Variants in RSPH3 observed in about 807,000 individuals in gnomAD.
The protein encoded by RSPH3 is radial spoke head protein 3 homolog.
In RSPH3, 21 loss-of-function variants were observed where a neutral mutation model predicts 43.8. That is an observed-to-expected ratio of 0.48 (90% CI 0.34 to 0.69). The LOEUF (loss-of-function observed/expected upper bound fraction) is 0.69, where lower values mean the gene tolerates loss of function less well. Ranked by LOEUF, RSPH3 falls within the 30% of genes least tolerant of loss-of-function variation. The probability of loss-of-function intolerance (pLI) is 0.01; values close to 1 mark genes in which losing one functional copy is unlikely to be tolerated. For missense variants in RSPH3, 487 were observed against 516.0 expected, an observed-to-expected ratio of 0.94 and a Z score of 0.54; for synonymous variants, 173 against 179.8, an observed-to-expected ratio of 0.96 and a Z score of 0.30.
intron 1 of RSPH3, among the ~76,000 whole-genome samples, chr6:158,999,215 A>C (rs1309992181): frequency 0.018 from 2,694 of 152,306 alleles, 34 homozygotes; most frequent in Middle Eastern, 0.024. Context: ...CCACGGCAGC[A>C]ACTCATATCA....
In RSPH3 at chr6:158,982,503, C is replaced by T. The variant is rs1331545526; in HGVS notation, c.678G>A (p.Arg226=). The T allele has an allele frequency of 1.3e-6, 2 of 1,505,092 alleles. No homozygotes were observed. Among genetic ancestry groups the T allele is most frequent in the African/African-American group, 1.7e-5 (1 of 60,308 alleles). 93.2% of individuals were successfully genotyped at this position (1,505,092 alleles called of 1,614,324 possible). Residue 226 remains arginine (R), a synonymous_variant, in exon 5 of 8, where the codon AGG becomes AGA. Coordinates refer to ENST00000367069, the MANE Select transcript of RSPH3 (RefSeq NM_031924.8). The part of the protein sequence containing the change: ...AEVQRLEEQE[R]RHREEKERRK... ...TATATACTTTTTCTTCTCGGTGTCG[C>T]CTCTCTTGCTCTTCAAGTCGTTGAA...
In RSPH3 at chr6:158,982,569, C is replaced by T; in HGVS notation, c.612G>A (p.Gln204=). Residue 204 remains glutamine (Q), a synonymous_variant, in exon 5 of 8, where the codon CAG becomes CAA. Transcript: ENST00000367069. ...EEELANLRAS[Q]REYEELRNSE... ...TATTCCGTAGTTCTTCATACTCACGCTGACTGGCCCGCAGGTTAGCCAGCT... is the reference window on the plus strand; with the variant it reads ...TATTCCGTAGTTCTTCATACTCACGTTGACTGGCCCGCAGGTTAGCCAGCT... 6.2e-7 allele frequency: 1 copy of T among 1,613,978 alleles called. No homozygotes were observed. The highest frequency in any genetic ancestry group is 1.7e-4 in the Middle Eastern group (1 of 6,058).
chr6:158,989,676 AG>A lies in RSPH3; in HGVS notation c.205-3256del, dbSNP rs1429510345. On this transcript the variant is annotated intron_variant, in intron 2 of 7. Transcript: ENST00000367069. This position sits in a 1 kb window ranked among gnomAD's most constrained non-coding sequence, Gnocchi z 4.3. ...TGTACTCAGGGGTATTTCTCTCTTC[AG>A]GAACTCATGATGCTTCTGGTGGGTT... 1.3e-5 allele frequency among the ~76,000 whole-genome samples: 2 copies of A among 152,144 alleles called. No homozygotes were observed. Among genetic ancestry groups the A allele is most frequent in the African/African-American group, 4.8e-5 (2 of 41,420 alleles).
At chr6:158,980,428 CA>C (rs201038721) in intron 6 of RSPH3, among the ~76,000 whole-genome samples, 2,604 of 111,646 alleles carry the variant, frequency 0.023, 57 homozygotes, top group African/African-American at 0.071. Context: ...GACTCTGTCT[CA>C]AAAAAAAAAA....
chr6:158,997,550 C>G (rs2114725951), intron 1 of RSPH3, among the ~76,000 whole-genome samples: 1 of 152,188 alleles, frequency 6.6e-6, no homozygotes, highest in South Asian at 2.1e-4. Flanking sequence ...ATTAGGATAT[C>G]AATGATTATG....
rs1778784098 is a variant in RSPH3, at chr6:158,999,648, G to A, written c.-98C>T. On this transcript the variant is annotated 5_prime_UTR_variant, in exon 1 of 8. Coordinates refer to ENST00000367069, the MANE Select transcript of RSPH3 (RefSeq NM_031924.8). ...CCCGGAGAGATGTAAGTAGTGCCAA[G>A]GGCAAGGATTCCGCGACGCGAGGAG... 6.2e-7 allele frequency: 1 copy of A among 1,614,012 alleles called. No homozygotes were observed. The highest frequency in any genetic ancestry group is 8.5e-7 in the Non-Finnish European group (1 of 1,180,014).
At chr6:158,991,997 TA>T (rs1778422492) in intron 2 of RSPH3, among the ~76,000 whole-genome samples, 1 of 151,508 alleles carries the variant, frequency 6.6e-6, no homozygotes, top group Admixed American at 6.6e-5. Context: ...TACTTTATTA[TA>T]AAATAGGCTT....
rs1259814010 is a variant in RSPH3 at position 158,989,326 on chromosome 6, C to T, written c.205-2905G>A. ...CCTCCCAAAGTGCTGGGATTACAGG[C>T]ATGAGACACTGCGCCCCGACAGAGA... On this transcript the variant is annotated intron_variant, in intron 2 of 7. Transcript: ENST00000367069. This position sits in a 1 kb window ranked among gnomAD's most constrained non-coding sequence, Gnocchi z 4.3. Among the ~76,000 whole-genome samples, 1 of 152,156 alleles carries T rather than the reference C, an allele frequency of 6.6e-6. No homozygotes were observed. Among genetic ancestry groups the T allele is most frequent in the African/African-American group, 2.4e-5 (1 of 41,432 alleles).
chr6:158,981,008 A>C lies in RSPH3; in HGVS notation c.697-72T>G, dbSNP rs557122191. 7 of 1,454,194 alleles carry C rather than the reference A, an allele frequency of 4.8e-6. No homozygotes were observed. In the Admixed American group the frequency reaches 1.0e-4, roughly 21 times the overall value. The allele number at this position is 1,454,194 out of a possible 1,614,324, so 90.1% of individuals were successfully genotyped here. A position where few individuals can be genotyped will look rare whatever the true frequency, so the allele number is the denominator to read the frequency against. On this transcript the variant is annotated intron_variant, in intron 5 of 7. Coordinates refer to ENST00000367069, the MANE Select transcript of RSPH3 (RefSeq NM_031924.8). ...AAGTGCTGAATCTAGTGAAGTTAGT[A>C]AGTACAAGAATCCAGACTTATCAAA...
At chr6:158,993,771 C>G in intron 2 of RSPH3, 68 bp downstream of exon 2, 1 of 836,702 alleles carries the variant, frequency 1.2e-6, no homozygotes, top group Non-Finnish European at 1.9e-6. Flanking sequence ...GAAATTAACA[C>G]CAAGAAACTG....
Position 158,988,615 on chromosome 6 carries a change from C to CTATGTCTT in RSPH3, c.205-2195_205-2194insAAGACATA, listed in dbSNP as rs372874492. Among the ~76,000 whole-genome samples, 966 of 152,132 alleles carry CTATGTCTT rather than the reference C, an allele frequency of 6.3e-3. 9 individuals carry two copies. Among genetic ancestry groups the CTATGTCTT allele is most frequent in the African/African-American group, 0.022 (915 of 41,496 alleles). ...CTCAGACTGTGTATTTTCAAATAGT[C>CTATGTCTT]TGTCTTTGTCTTCATGTTCACTGAT... On this transcript the variant is annotated intron_variant, in intron 2 of 7. Transcript: ENST00000367069.
intron 2 of RSPH3, among the ~76,000 whole-genome samples, chr6:158,991,095 ATTTT>A (rs1264469195): frequency 6.6e-6 from 1 of 151,756 alleles, no homozygotes; most frequent in Non-Finnish European, 1.5e-5. Context: ...CTTTGCTAAG[ATTTT>A]TTTATTTGTT....
chr6:158,987,415 C>T (rs559695478), intron 2 of RSPH3, among the ~76,000 whole-genome samples: 3 of 152,250 alleles, frequency 2.0e-5, no homozygotes, highest in Admixed American at 6.5e-5. Flanking sequence ...TTTATCCAAT[C>T]AGCTCTTCTA....
Position 158,977,403 on chromosome 6 carries a change from G to T in RSPH3, c.*135C>A. The T allele has an allele frequency of 2.8e-6, 2 of 708,770 alleles. No individual in the cohort carries two copies. The highest frequency in any genetic ancestry group is 1.9e-5 in the South Asian group (1 of 51,692). The allele number at this position is 708,770 out of a possible 1,614,324, so 43.9% of individuals were successfully genotyped here. On this transcript the variant is annotated 3_prime_UTR_variant, in exon 8 of 8. Coordinates refer to ENST00000367069, the MANE Select transcript of RSPH3 (RefSeq NM_031924.8). ...AAATTAATTTTATCACATTTGATTG[G>T]CCCAGTCCATTACACAAAAAGACAT...
rs1372531260 is a variant in RSPH3 at position 158,973,920 on chromosome 6, C to T, written c.*3618G>A. The T allele has an allele frequency of 6.6e-6, 1 of 151,680 alleles. No homozygotes were observed. The highest frequency in any genetic ancestry group is 1.9e-4 in the East Asian group (1 of 5,172). The allele number at this position is 151,680 out of a possible 1,614,324, so 9.4% of individuals were successfully genotyped here. ...CTCCTGGGTTCAAGTGATTCTTATGCCTCAGTCTCCCGAGTAGCTGGGATT... is the reference window on the plus strand; with the variant it reads ...CTCCTGGGTTCAAGTGATTCTTATGTCTCAGTCTCCCGAGTAGCTGGGATT... On this transcript the variant is annotated 3_prime_UTR_variant, in exon 8 of 8. Coordinates refer to ENST00000367069, the MANE Select transcript of RSPH3 (RefSeq NM_031924.8).
intron 4 of RSPH3, among the ~76,000 whole-genome samples, 175 bp downstream of exon 4, chr6:158,983,487 T>C (rs1200057669): frequency 6.6e-6 from 1 of 152,228 alleles, no homozygotes; most frequent in Non-Finnish European, 1.5e-5. Flanking sequence ...GAACATGGTA[T>C]GTTAAAACAT....
the RSPH3 span, among the ~76,000 whole-genome samples, chr6:158,967,579 T>G: frequency 6.6e-6 from 1 of 152,224 alleles, no homozygotes; most frequent in Non-Finnish European, 1.5e-5. Context: ...TGTTAAGTAC[T>G]TCTATAAATG....
chr6:158,963,725 G>A, the RSPH3 span, among the ~76,000 whole-genome samples: 5 of 151,836 alleles, frequency 3.3e-5, no homozygotes, highest in South Asian at 1.0e-3. Flanking sequence ...AAGCAGGTGG[G>A]ACTACAGGCA....
chr6:158,997,668 C>G (rs1778640551), intron 1 of RSPH3, among the ~76,000 whole-genome samples: 1 of 152,070 alleles, frequency 6.6e-6, no homozygotes, highest in South Asian at 2.1e-4. Context: ...AATCAACTAT[C>G]AAAAAAGTTG....
Sources: gnomAD v4.1 joint callset for allele counts (sites outside exome capture counted in the v4.1 genomes callset) on GRCh38, gnomAD v4.1.1 for gene constraint, Gnocchi (gnomAD v3.1) non-coding constraint, MANE v1.5 for transcripts, NCBI Gene and HGNC (gene_info 2026-07-23, HGNC 2026-07-21) for gene names.